SHISAL2B: variants seen among roughly 807,000 people sequenced by gnomAD.
SHISAL2B encodes shisa like 2B.
A neutral mutation model predicts 16.5 loss-of-function variants in SHISAL2B; 12 were observed. The observed-to-expected ratio is 0.73, with a 90% confidence interval of 0.47 to 1.18. The LOEUF is 1.18. Among genes scored for constraint, SHISAL2B ranks in the 50% most tolerant of loss-of-function variants. The pLI, the probability that SHISAL2B is intolerant of heterozygous loss-of-function variation, is 0.00. For missense variants in SHISAL2B, 183 were observed against 193.6 expected, an observed-to-expected ratio of 0.95 and a Z score of 0.33; for synonymous variants, 72 against 75.0, an observed-to-expected ratio of 0.96 and a Z score of 0.21.
chr5:64,701,201 A>C (rs1228330102), intron 2 of SHISAL2B, among the ~76,000 whole-genome samples: 3 of 152,052 alleles, frequency 2.0e-5, no homozygotes, highest in African/African-American at 7.2e-5. Flanking sequence ...TTTTTTCCCA[A>C]ATATTTTTGA....
chr5:64,701,864 G>T (rs1181923178), intron 2 of SHISAL2B, among the ~76,000 whole-genome samples: 2 of 152,154 alleles, frequency 1.3e-5, no homozygotes, highest in Non-Finnish European at 2.9e-5. Context: ...GCTCAGCATG[G>T]TCTGCTATAT....
chr5:64,696,646 GA>G (rs1479085960), intron 2 of SHISAL2B, among the ~76,000 whole-genome samples: 1 of 152,144 alleles, frequency 6.6e-6, no homozygotes, highest in Non-Finnish European at 1.5e-5. Context: ...GATAAGGACT[GA>G]AATACGCCCT....
intron 2 of SHISAL2B, among the ~76,000 whole-genome samples, chr5:64,713,077 T>C (rs1448602643): frequency 1.3e-5 from 2 of 149,074 alleles, no homozygotes; most frequent in African/African-American, 4.9e-5. Context: ...TTTGATCCTG[T>C]CATTATGATG....
chr5:64,701,643 G>T (rs1328377021), intron 2 of SHISAL2B, among the ~76,000 whole-genome samples: 2 of 152,054 alleles, frequency 1.3e-5, no homozygotes, highest in Non-Finnish European at 2.9e-5. Context: ...AAATAATACA[G>T]TTGTATAGGT....
chr5:64,716,080 G>A (rs1742045675), intron 2 of SHISAL2B, among the ~76,000 whole-genome samples: 1 of 152,112 alleles, frequency 6.6e-6, no homozygotes, highest in Non-Finnish European at 1.5e-5. Context: ...ACCTAATTGA[G>A]AGATGAGAAA....
intron 2 of SHISAL2B, among the ~76,000 whole-genome samples, chr5:64,699,635 C>G (rs1431791971): frequency 6.6e-6 from 1 of 152,162 alleles, no homozygotes; most frequent in Non-Finnish European, 1.5e-5. Context: ...TCTCATGGGT[C>G]AGCCTCTCAA....
intron 2 of SHISAL2B, among the ~76,000 whole-genome samples, chr5:64,697,862 T>TCC (rs1373715018): frequency 1.3e-5 from 2 of 152,232 alleles, no homozygotes; most frequent in Non-Finnish European, 2.9e-5. Context: ...TGTGACCTTA[T>TCC]CAAATACATC....
chr5:64,705,416 A>T (rs1437219157), intron 2 of SHISAL2B, among the ~76,000 whole-genome samples: 3 of 152,196 alleles, frequency 2.0e-5, no homozygotes, highest in Non-Finnish European at 1.5e-5. Context: ...GTCTGATTAA[A>T]CTACTATGAA....
chr5:64,693,176 T>A (rs1218124312), intron 1 of SHISAL2B, among the ~76,000 whole-genome samples: 1 of 151,914 alleles, frequency 6.6e-6, no homozygotes. Context: ...CCTGGCTAAT[T>A]TTTTGTATTT....
intron 2 of SHISAL2B, among the ~76,000 whole-genome samples, chr5:64,698,983 T>C (rs116142845): frequency 9.3e-4 from 141 of 152,346 alleles, no homozygotes; most frequent in African/African-American, 3.3e-3. Flanking sequence ...AGATTTAGCT[T>C]AGATACTGCT....
intron 1 of SHISAL2B, among the ~76,000 whole-genome samples, chr5:64,693,598 C>G (rs960365437): frequency 2.6e-5 from 4 of 152,140 alleles, no homozygotes; most frequent in Non-Finnish European, 4.4e-5. Flanking sequence ...CTCTTATCTG[C>G]TCTGTGCACC....
rs558653318 is a variant in SHISAL2B, at chr5:64,690,574, T to G, written c.-50T>G. On this transcript the variant is annotated 5_prime_UTR_variant, in exon 1 of 3. Transcript: ENST00000389074. ...CTCTGGAGGTGCTGGACGGGTGCGATCCGAGAGCAGACCGGGGCCCTCGCG... is the reference window on the plus strand; with the variant it reads ...CTCTGGAGGTGCTGGACGGGTGCGAGCCGAGAGCAGACCGGGGCCCTCGCG... 3.6e-6 allele frequency: 5 copies of G among 1,407,190 alleles called. No individual in the cohort carries two copies. Among genetic ancestry groups the G allele is most frequent in the Admixed American group, 5.2e-5 (2 of 38,478 alleles). 87.2% of individuals were successfully genotyped at this position (1,407,190 alleles called of 1,614,324 possible).
intron 2 of SHISAL2B, among the ~76,000 whole-genome samples, chr5:64,702,524 A>G (rs935206361): frequency 6.6e-5 from 10 of 152,048 alleles, no homozygotes; most frequent in African/African-American, 2.4e-4. Context: ...TTTTAACTAT[A>G]TTTTCTAATA....
At chr5:64,717,434 T>A (rs1742073029) in intron 2 of SHISAL2B, among the ~76,000 whole-genome samples, 1 of 152,196 alleles carries the variant, frequency 6.6e-6, no homozygotes, top group African/African-American at 2.4e-5. Context: ...CTCATATTTA[T>A]ATGGAGTGAG....
At chr5:64,691,400 T>TGTGTGTGTGTTC (rs1436271770) in intron 1 of SHISAL2B, 9 of 152,836 alleles carry the variant, frequency 5.9e-5, no homozygotes, top group African/African-American at 2.2e-4. Flanking sequence ...TGTGTGTGTG[T>TGTGTGTGTGTTC]GTTCCTGAGG....
chr5:64,705,194 T>C (rs1741859207), intron 2 of SHISAL2B, among the ~76,000 whole-genome samples: 1 of 152,188 alleles, frequency 6.6e-6, no homozygotes, highest in Non-Finnish European at 1.5e-5. Flanking sequence ...TGTAATGTAT[T>C]TTGCAAGCCT....
At chr5:64,707,379 A>C (rs1020924475) in intron 2 of SHISAL2B, among the ~76,000 whole-genome samples, 2 of 152,258 alleles carry the variant, frequency 1.3e-5, no homozygotes, top group African/African-American at 2.4e-5. Context: ...TTAGAATGTG[A>C]CATTCTTTAC....
At chr5:64,701,528 T>C (rs13175775) in intron 2 of SHISAL2B, among the ~76,000 whole-genome samples, 1 of 151,962 alleles carries the variant, frequency 6.6e-6, no homozygotes, top group Non-Finnish European at 1.5e-5. Context: ...TATTCTGGAG[T>C]TTTAGAAGGG....
intron 2 of SHISAL2B, among the ~76,000 whole-genome samples, chr5:64,715,083 C>T (rs1742026533): frequency 6.6e-6 from 1 of 152,158 alleles, no homozygotes; most frequent in Non-Finnish European, 1.5e-5. Context: ...TCTTTCAAAA[C>T]TTGTAAATAA....
Sources: gnomAD v4.1 joint callset for allele counts (sites outside exome capture counted in the v4.1 genomes callset) on GRCh38, gnomAD v4.1.1 for gene constraint, MANE v1.5 for transcripts, NCBI Gene and HGNC (gene_info 2026-07-23, HGNC 2026-07-21) for gene names.